RIPOR1: variants seen among roughly 807,000 people sequenced by gnomAD.
RIPOR1 encodes the protein RHO family interacting cell polarization regulator 1, also known as rho family-interacting cell polarization regulator 1.
RIPOR1 carries 58 observed loss-of-function variants against 116.5 expected under a neutral mutation model. The ratio of observed to expected loss-of-function variants is 0.50; its 90% confidence interval spans 0.40 to 0.62. RIPOR1 has a LOEUF of 0.62. Ranked by LOEUF, RIPOR1 falls within the 20% of genes least tolerant of loss-of-function variation. The pLI is 0.00. For synonymous variants in RIPOR1, 605 were observed against 650.0 expected (o/e 0.93, Z 1.05); for missense variants, 1,372 against 1,586.2 (o/e 0.86, Z 2.29).
chr16:67,540,083 C>T lies in RIPOR1; in HGVS notation c.445C>T (p.Gln149Ter). ...IDELYEAYCV[Q>*]RRLRDGAYNM... ...TGAGCTGTATGAGGCATACTGTGTC[C>T]AGCGGCGTCTCCGGGATGGTGCCTA... The change falls in exon 7 of 22, where the codon CAG becomes TAG. Residue 149 changes from glutamine (Q) to a stop codon, truncating the protein, a stop_gained. Transcript: ENST00000042381. LOFTEE classifies it high-confidence loss of function. The surrounding 1 kb of genome is among the most constrained non-coding windows in gnomAD (Gnocchi z 4.7). 1 of 1,614,194 alleles carries T rather than the reference C, an allele frequency of 6.2e-7. No individual in the cohort carries two copies. The highest frequency in any genetic ancestry group is 1.1e-5 in the South Asian group (1 of 91,090).
chr16:67,529,501 G>C lies in RIPOR1; in HGVS notation c.-24+587G>C, dbSNP rs1424111775. ...TGTCGGGGAACGGAGCTTTTCCCTGGAAATGGAGGTTGGCGCAAGGTTCCT... is the reference window on the plus strand; with the variant it reads ...TGTCGGGGAACGGAGCTTTTCCCTGCAAATGGAGGTTGGCGCAAGGTTCCT... On this transcript the variant is annotated intron_variant, in intron 1 of 21. Coordinates refer to ENST00000042381, the MANE Select transcript of RIPOR1 (RefSeq NM_024519.4). This position sits in a 1 kb window ranked among gnomAD's most constrained non-coding sequence, Gnocchi z 4.1. The C allele has an allele frequency of 2.5e-6, 1 of 392,896 alleles. No homozygotes were observed. The allele number at this position is 392,896 out of a possible 1,614,324, so 24.3% of individuals were successfully genotyped here.
chr16:67,545,098 G>C lies in RIPOR1; in HGVS notation c.3012G>C (p.Gln1004His), dbSNP rs755138306. Residue 1004 changes from glutamine to histidine, a missense_variant, in exon 17 of 22, where the codon CAG becomes CAC. By Grantham distance (24) the Gln-to-His change is conservative (BLOSUM62 0). Coordinates refer to ENST00000042381, the MANE Select transcript of RIPOR1 (RefSeq NM_024519.4). This position sits in a 1 kb window ranked among gnomAD's most constrained non-coding sequence, Gnocchi z 4.8. Reference sequence around the variant, plus strand: ...ATGGTGCCCGCCTCTCCCTGCGCCAGCCAGGCTTGGCTGAGGCTGGTGAGT... The same window carrying C: ...ATGGTGCCCGCCTCTCCCTGCGCCACCCAGGCTTGGCTGAGGCTGGTGAGT... The part of the protein sequence containing the change: ...NQYGARLSLR[Q>H]PGLAEAVCVK... 1.9e-6 allele frequency: 3 copies of C among 1,612,656 alleles called. No individual in the cohort carries two copies. The highest frequency in any genetic ancestry group is 1.7e-5 in the Admixed American group (1 of 60,016).
In RIPOR1 at chr16:67,542,448, T is replaced by A. The variant is rs1334942948; in HGVS notation, c.1662T>A (p.Ser554Arg). Reference protein sequence around the residue: ...PTHTTTGSTYSAITTTHSAPS... With the variant: ...PTHTTTGSTYRAITTTHSAPS... Reference sequence around the variant, plus strand: ...ACACCACTACAGGCTCTACCTATAGTGCCATTACCACTACCCACAGTGCTC... The same window carrying A: ...ACACCACTACAGGCTCTACCTATAGAGCCATTACCACTACCCACAGTGCTC... The change falls in exon 13 of 22, where the codon AGT becomes AGA. Residue 554 changes from serine (S) to arginine (R), a missense_variant. Ser to Arg is a moderately radical substitution (Grantham distance 110). Transcript: ENST00000042381. The surrounding 1 kb of genome is among the most constrained non-coding windows in gnomAD (Gnocchi z 4.6). 1.2e-6 allele frequency: 2 copies of A among 1,613,784 alleles called. No individual in the cohort carries two copies.
chr16:67,529,777 C>A lies in RIPOR1; in HGVS notation c.-24+863C>A. 6.5e-7 allele frequency: 1 copy of A among 1,535,474 alleles called. No individual in the cohort carries two copies. The highest frequency in any genetic ancestry group is 8.7e-7 in the Non-Finnish European group (1 of 1,146,860). ...CTGGCTGCAGTCTGCGGGGCCGCGC[C>A]CTGGGCCTGCCGCATTCGGCCAACG... On this transcript the variant is annotated intron_variant, in intron 1 of 21. Transcript: ENST00000042381. The surrounding 1 kb of genome is among the most constrained non-coding windows in gnomAD (Gnocchi z 4.1).
In RIPOR1 at chr16:67,542,969, G is replaced by C. The variant is rs147671462; in HGVS notation, c.2183G>C (p.Ser728Thr). Residue 728 changes from serine to threonine, a missense_variant, in exon 13 of 22, where the codon AGT becomes ACT. Physicochemically the swap from Ser to Thr is moderately conservative, Grantham distance 58 (BLOSUM62 1). This residue lies in a region of RIPOR1 where 1,005 missense variants were observed against 1,144.7 expected (regional missense o/e 0.88). Transcript: ENST00000042381. The surrounding 1 kb of genome is among the most constrained non-coding windows in gnomAD (Gnocchi z 4.6). ...DPMAPRTPHPSPAHSSRKPLT... is the reference protein window; with the variant it reads ...DPMAPRTPHPTPAHSSRKPLT... ...ATGGCCCCCAGAACTCCCCACCCAA[G>C]TCCTGCCCATTCCAGTAGGAAACCC... 2.2e-4 allele frequency: 340 copies of C among 1,581,250 alleles called. No individual in the cohort carries two copies. Among genetic ancestry groups the C allele is most frequent in the Non-Finnish European group, 2.6e-4 (301 of 1,163,398 alleles).
Position 67,543,381 on chromosome 16 carries a change from A to G in RIPOR1, c.2512A>G (p.Ser838Gly). Residue 838 changes from serine to glycine, a missense_variant, in exon 14 of 22, where the codon AGT (serine) becomes GGT (glycine). Physicochemically the swap from Ser to Gly is moderately conservative, Grantham distance 56 (BLOSUM62 0). Transcript: ENST00000042381. This position sits in a 1 kb window ranked among gnomAD's most constrained non-coding sequence, Gnocchi z 4.7. ...RQGLTRSRAS[S>G]LSITVEHALE... Reference sequence around the variant, plus strand: ...AGGTCTGACTCGCAGCCGGGCCTCCAGTCTCAGCATCACTGTGGAGCATGC... The same window carrying G: ...AGGTCTGACTCGCAGCCGGGCCTCCGGTCTCAGCATCACTGTGGAGCATGC... The G allele has an allele frequency of 6.3e-7, 1 of 1,599,450 alleles. No homozygotes were observed. Among genetic ancestry groups the G allele is most frequent in the South Asian group, 1.1e-5 (1 of 88,652 alleles).
rs775981267 is a variant in RIPOR1 at position 67,542,568 on chromosome 16, A to G, written c.1782A>G (p.Pro594=). The part of the protein sequence containing the change: ...TTGPTLNIIG[P]VQTTTSPTHT... ...GCCCTACCCTCAATATCATAGGCCC[A>G]GTCCAGACTACCACAAGCCCCACCC... The change falls in exon 13 of 22, where the codon CCA becomes CCG. Residue 594 remains proline (P), a synonymous_variant. Transcript: ENST00000042381. The surrounding 1 kb of genome is among the most constrained non-coding windows in gnomAD (Gnocchi z 4.6). 1.2e-6 allele frequency: 2 copies of G among 1,613,740 alleles called. No individual in the cohort carries two copies. Among genetic ancestry groups the G allele is most frequent in the African/African-American group, 1.3e-5 (1 of 74,812 alleles).
upstream of RIPOR1, among the ~76,000 whole-genome samples, chr16:67,525,114 C>T (rs1323725490): frequency 6.6e-6 from 1 of 152,254 alleles, no homozygotes; most frequent in Non-Finnish European, 1.5e-5. Context: ...CAGGACCTAC[C>T]CACTGTCTGC....
rs1244003550 is a variant in RIPOR1 at position 67,538,727 on chromosome 16, C to T, written c.160C>T (p.Arg54Ter). ...CCCACGGAAGCCCCCCGCGCTCTCC[C>T]GAGTGTCCAGGATGTTTTCCGTGGC... is the stretch of plus-strand genomic sequence containing the variant. ...GPPRKPPALS[R>*]VSRMFSVAHP... The change falls in exon 3 of 22, where the codon CGA (arginine) becomes TGA (stop). Residue 54 changes from arginine to a stop codon, truncating the protein, a stop_gained. Transcript: ENST00000042381. LOFTEE classifies it high-confidence loss of function. 1 of 1,613,430 alleles carries T rather than the reference C, an allele frequency of 6.2e-7. No individual in the cohort carries two copies. The highest frequency in any genetic ancestry group is 8.5e-7 in the Non-Finnish European group (1 of 1,179,948).
In RIPOR1 at chr16:67,541,662, C is replaced by T. The variant is rs1382192551; in HGVS notation, c.960C>T (p.Asp320=). ...CCTCTTCCCTTCCCAGCCCCTTCGA[C>T]AAGGATGACCAGCCCTCAGCTGCTT... ...LSLEVTWSPF[D]KDDQPSAASS... Residue 320 remains aspartate, a synonymous_variant, in exon 12 of 22, where the codon GAC becomes GAT. Coordinates refer to ENST00000042381, the MANE Select transcript of RIPOR1 (RefSeq NM_024519.4). This position sits in a 1 kb window ranked among gnomAD's most constrained non-coding sequence, Gnocchi z 4.6. 6.2e-7 allele frequency: 1 copy of T among 1,614,088 alleles called. No individual in the cohort carries two copies. The highest frequency in any genetic ancestry group is 2.2e-5 in the East Asian group (1 of 44,868).
Position 67,539,889 on chromosome 16 carries a change from A to G in RIPOR1, c.404A>G (p.His135Arg), listed in dbSNP as rs754026024. ...CGCTTCCTGCGACGACTGGAGTTCC[A>G]TGCCAGCAAGGTACGAGTGCAGCAT... ...IERFLRRLEF[H>R]ASKIDELYEA... The change falls in exon 6 of 22, where the codon CAT (histidine) becomes CGT (arginine). Residue 135 changes from histidine (H) to arginine (R), a missense_variant. By Grantham distance (29) the His-to-Arg change is conservative (BLOSUM62 0). Transcript: ENST00000042381. The G allele has an allele frequency of 1.9e-6, 3 of 1,614,074 alleles. No individual in the cohort carries two copies. The highest frequency in any genetic ancestry group is 2.5e-6 in the Non-Finnish European group (3 of 1,180,026).
chr16:67,540,851 GC>G lies in RIPOR1; in HGVS notation c.801+150del, dbSNP rs1260845075. The G allele has an allele frequency of 1.1e-6, 1 of 899,434 alleles. No homozygotes were observed. Among genetic ancestry groups the G allele is most frequent in the Admixed American group, 2.4e-5 (1 of 41,306 alleles). 55.7% of individuals were successfully genotyped at this position (899,434 alleles called of 1,614,324 possible). ...TTCCATGACCTTCATGATCTCTGTG[GC>G]CCTGAGAGGAACAATCTTTGTGACT... On this transcript the variant is annotated intron_variant, in intron 10 of 21. Coordinates refer to ENST00000042381, the MANE Select transcript of RIPOR1 (RefSeq NM_024519.4). This position sits in a 1 kb window ranked among gnomAD's most constrained non-coding sequence, Gnocchi z 4.7.
chr16:67,544,982 G>C lies in RIPOR1; in HGVS notation c.2896G>C (p.Gly966Arg), dbSNP rs1315303808. 6.2e-7 allele frequency: 1 copy of C among 1,613,006 alleles called. No homozygotes were observed. The highest frequency in any genetic ancestry group is 1.3e-5 in the African/African-American group (1 of 74,926). Residue 966 changes from glycine to arginine, a missense_variant, in exon 17 of 22, where the codon GGC (glycine) becomes CGC (arginine). Gly to Arg is a moderately radical substitution (Grantham distance 125). Coordinates refer to ENST00000042381, the MANE Select transcript of RIPOR1 (RefSeq NM_024519.4). The surrounding 1 kb of genome is among the most constrained non-coding windows in gnomAD (Gnocchi z 5.1). Reference protein sequence around the residue: ...EVVQFSASRPGFLTFWDQCTE... With the variant: ...EVVQFSASRPRFLTFWDQCTE... ...GGTGCAGTTCTCGGCCTCTCGGCCTGGCTTCCTGACCTTCTGGGACCAGTG... is the reference window on the plus strand; with the variant it reads ...GGTGCAGTTCTCGGCCTCTCGGCCTCGCTTCCTGACCTTCTGGGACCAGTG...
In RIPOR1 at chr16:67,545,750, G is replaced by A. The variant is rs771238933; in HGVS notation, c.3277G>A (p.Asp1093Asn). The change falls in exon 19 of 22, where the codon GAC becomes AAC. Residue 1093 changes from aspartate (D) to asparagine (N), a missense_variant. Asp to Asn is a conservative substitution (Grantham distance 23). Coordinates refer to ENST00000042381, the MANE Select transcript of RIPOR1 (RefSeq NM_024519.4). The surrounding 1 kb of genome is among the most constrained non-coding windows in gnomAD (Gnocchi z 4.8). ...RLAPEGRLRR[D>N]GLRALSSLLV... ...GGCGCCCGAGGGGCGTCTGCGAAGG[G>A]ACGGGCTGCGGGCCCTCAGCTCCCT... 2 of 1,611,892 alleles carry A rather than the reference G, an allele frequency of 1.2e-6. No individual in the cohort carries two copies. The highest frequency in any genetic ancestry group is 2.2e-5 in the East Asian group (1 of 44,870).
In RIPOR1 at chr16:67,543,010, C is replaced by A. The variant is rs767254702; in HGVS notation, c.2224C>A (p.Pro742Thr). The change falls in exon 13 of 22, where the codon CCA becomes ACA. Residue 742 changes from proline to threonine, a missense_variant. By Grantham distance (38) the Pro-to-Thr change is conservative (BLOSUM62 -1). Around this residue, in one of 3 missense-constraint regions of RIPOR1, gnomAD observed 1,005 missense variants for 1,144.7 expected, o/e 0.88. Coordinates refer to ENST00000042381, the MANE Select transcript of RIPOR1 (RefSeq NM_024519.4). The surrounding 1 kb of genome is among the most constrained non-coding windows in gnomAD (Gnocchi z 4.7). Reference sequence around the variant, plus strand: ...TAGGAAACCCCTCACAAGCCCTGCCCCAGATCCCTCAGAGTCTACGGTTCA... The same window carrying A: ...TAGGAAACCCCTCACAAGCCCTGCCACAGATCCCTCAGAGTCTACGGTTCA... The part of the protein sequence containing the change: ...SSRKPLTSPA[P>T]DPSESTVQSL... 1.0e-5 allele frequency: 16 copies of A among 1,560,978 alleles called. No homozygotes were observed. In the Admixed American group the frequency reaches 2.9e-4, roughly 28 times the overall value.
chr16:67,520,304 C>T (rs1485677492), intron 1 of RIPOR1, among the ~76,000 whole-genome samples: 1 of 150,792 alleles, frequency 6.6e-6, no homozygotes, highest in Non-Finnish European at 1.5e-5. Context: ...TCACTTGAGC[C>T]TGGGAGGCAG....
chr16:67,534,946 G>T (rs2050757724), intron 1 of RIPOR1, among the ~76,000 whole-genome samples: 1 of 146,926 alleles, frequency 6.8e-6, no homozygotes, highest in South Asian at 2.2e-4. Context: ...AGGTTCAAGC[G>T]ATCCTCCTGC....
At chr16:67,520,223 C>CA (rs1047233054) in intron 1 of RIPOR1, among the ~76,000 whole-genome samples, 4 of 150,990 alleles carry the variant, frequency 2.6e-5, no homozygotes, top group African/African-American at 9.8e-5. Context: ...ACCAAAAATA[C>CA]AAAAAAATTT....
Position 67,529,071 on chromosome 16 carries a change from C to T in RIPOR1, c.-24+157C>T, listed in dbSNP as rs897030185. On this transcript the variant is annotated intron_variant, in intron 1 of 21. Coordinates refer to ENST00000042381, the MANE Select transcript of RIPOR1 (RefSeq NM_024519.4). The surrounding 1 kb of genome is among the most constrained non-coding windows in gnomAD (Gnocchi z 4.1). The stretch of plus-strand genomic sequence containing the variant: ...GGACCCCGGCCGCGCCTTGTCTTTC[C>T]TCCCCTCCCCCCGGGCGTGGAGAAC... 6.6e-6 allele frequency among the ~76,000 whole-genome samples: 1 copy of T among 152,144 alleles called. No individual in the cohort carries two copies. The highest frequency in any genetic ancestry group is 2.4e-5 in the African/African-American group (1 of 41,460).
Sources: allele counts gnomAD v4.1 joint callset (sites outside exome capture counted in the v4.1 genomes callset), GRCh38; gene constraint gnomAD v4.1.1; regional missense constraint gnomAD v4.1.1; non-coding constraint Gnocchi (gnomAD v3.1); transcripts MANE v1.5; gene names NCBI Gene and HGNC (gene_info 2026-07-23, HGNC 2026-07-21).